EXOC6: variants seen among roughly 807,000 people sequenced by gnomAD.
EXOC6 encodes the protein SEC15-like 1.
EXOC6 carries 60 observed loss-of-function variants against 112.5 expected under a neutral mutation model. That is an observed-to-expected ratio of 0.53 (90% CI 0.43 to 0.66). The LOEUF is 0.66. EXOC6 is among the 30% of genes least tolerant of loss of function. The probability of loss-of-function intolerance (pLI) is 0.00; values close to 1 mark genes in which losing one functional copy is unlikely to be tolerated. For missense variants in EXOC6, 855 were observed against 957.1 expected (o/e 0.89, Z 1.41); for synonymous variants, 295 against 308.0 (o/e 0.96, Z 0.44).
At chr10:93,040,273 G>A (rs111736516) in intron 20 of EXOC6, among the ~76,000 whole-genome samples, 8,091 of 151,726 alleles carry the variant, frequency 0.053, 361 homozygotes, top group East Asian at 0.13. Flanking sequence ...TTTTTGAGAC[G>A]GAGTCTCACT....
intron 13 of EXOC6, among the ~76,000 whole-genome samples, chr10:92,941,720 T>G (rs975765911): frequency 2.6e-5 from 4 of 152,200 alleles, no homozygotes; most frequent in African/African-American, 9.6e-5. Flanking sequence ...ATTAAGAATC[T>G]TAAAGAATCT....
chr10:92,954,638 A>G lies in EXOC6; in HGVS notation c.1535A>G (p.Glu512Gly). 1 of 1,577,740 alleles carries G rather than the reference A, an allele frequency of 6.3e-7. No homozygotes were observed. Among genetic ancestry groups the G allele is most frequent in the Non-Finnish European group, 8.7e-7 (1 of 1,150,552 alleles). ...TCAATCTTTGTTTTTAGCTCAACAG[A>G]AATAGACGATATGCTTAGAAAATCA... ...FSESLHRSST[E>G]IDDMLRKSTN... The change falls in exon 16 of 22, where the codon GAA becomes GGA. Residue 512 changes from glutamate (E) to glycine (G), a missense_variant. By Grantham distance (98) the Glu-to-Gly change is moderately conservative. Around this residue, in one of 2 missense-constraint regions of EXOC6, gnomAD observed 450 missense variants for 563.5 expected, o/e 0.80. Transcript: ENST00000260762.
At chr10:92,948,573 C>CCACTACTACT (rs1554900785) in intron 14 of EXOC6, among the ~76,000 whole-genome samples, 194 bp downstream of exon 14, 16 of 140,182 alleles carry the variant, frequency 1.1e-4, no homozygotes, top group African/African-American at 4.0e-4. Context: ...CTACTACTAC[C>CCACTACTACT]ACTACTACTA....
intron 1 of EXOC6, 115 bp downstream of exon 1, chr10:92,848,749 G>C (rs956773547): frequency 3.5e-6 from 3 of 857,482 alleles, no homozygotes; most frequent in Non-Finnish European, 4.4e-6. Flanking sequence ...CAGGTGGTGC[G>C]CGCGGGGGCG....
chr10:93,014,930 C>T (rs909486168), intron 20 of EXOC6, among the ~76,000 whole-genome samples: 2 of 151,566 alleles, frequency 1.3e-5, no homozygotes, highest in South Asian at 2.1e-4. Flanking sequence ...TTTTCCTCCT[C>T]TTTTCTCTTC....
At chr10:92,869,949 CT>C (rs34082304) in intron 1 of EXOC6, among the ~76,000 whole-genome samples, 24,251 of 99,746 alleles carry the variant, frequency 0.24, 1,976 homozygotes, top group East Asian at 0.59. Context: ...GGCTTGTGGG[CT>C]TTTTTTTTTT....
At chr10:93,025,189 C>T (rs984641806) in intron 20 of EXOC6, among the ~76,000 whole-genome samples, 2 of 151,944 alleles carry the variant, frequency 1.3e-5, no homozygotes, top group South Asian at 2.1e-4. Context: ...ACTTACAATG[C>T]GAAAAAGATC....
intron 1 of EXOC6, 29 bp downstream of exon 1, chr10:92,848,663 G>A: frequency 1.5e-6 from 2 of 1,314,884 alleles, no homozygotes; most frequent in Non-Finnish European, 9.9e-7. Context: ...CGGGACTTCG[G>A]CCCCCCGCCC....
intron 19 of EXOC6, among the ~76,000 whole-genome samples, chr10:93,011,902 G>A (rs1844266178): frequency 6.6e-6 from 1 of 152,174 alleles, no homozygotes; most frequent in Non-Finnish European, 1.5e-5. Flanking sequence ...TGTCTAACAA[G>A]ACAGTGATAT....
At chr10:92,922,984 T>C (rs1390840994) in intron 8 of EXOC6, among the ~76,000 whole-genome samples, 1 of 152,226 alleles carries the variant, frequency 6.6e-6, no homozygotes, top group Non-Finnish European at 1.5e-5. Context: ...AAGCCCAACC[T>C]GTCTTCAGAA....
At chr10:92,998,078 A>G (rs1843577623) in intron 19 of EXOC6, among the ~76,000 whole-genome samples, 1 of 152,090 alleles carries the variant, frequency 6.6e-6, no homozygotes, top group South Asian at 2.1e-4. Context: ...AGGCTTTAGT[A>G]TTGCCATTGT....
At chr10:92,951,459 CTG>C (rs1853407984) in intron 14 of EXOC6, among the ~76,000 whole-genome samples, 1 of 152,072 alleles carries the variant, frequency 6.6e-6, no homozygotes, top group East Asian at 1.9e-4. Context: ...AGTGGGTCAA[CTG>C]TGTCAGATTT....
chr10:92,836,683 T>C (rs1846668001), intron 1 of EXOC6, among the ~76,000 whole-genome samples: 1 of 152,196 alleles, frequency 6.6e-6, no homozygotes, highest in Non-Finnish European at 1.5e-5. Context: ...AAACTGTTCA[T>C]CTAATAAGTT....
At chr10:92,832,545 T>C (rs1309660362), upstream of EXOC6, among the ~76,000 whole-genome samples, 1 of 152,214 alleles carries the variant, frequency 6.6e-6, no homozygotes, top group Admixed American at 6.5e-5. Flanking sequence ...CCCAAAGTGC[T>C]GGGATTACAG....
At chr10:92,849,193 A>AAG (rs1044279413) in intron 1 of EXOC6, among the ~76,000 whole-genome samples, 1 of 149,276 alleles carries the variant, frequency 6.7e-6, no homozygotes, top group Admixed American at 6.6e-5. Context: ...AGTGGGCGAG[A>AAG]AGAGAGCGTG....
intron 19 of EXOC6, among the ~76,000 whole-genome samples, chr10:93,002,892 T>C (rs1013903557): frequency 6.6e-6 from 1 of 152,206 alleles, no homozygotes; most frequent in African/African-American, 2.4e-5. Context: ...CAGAAATCTT[T>C]ACTTAATAGC....
chr10:92,839,693 C>T (rs1182318541), intron 1 of EXOC6, among the ~76,000 whole-genome samples: 1 of 152,068 alleles, frequency 6.6e-6, no homozygotes, highest in African/African-American at 2.4e-5. Context: ...GTTGTTAGCC[C>T]CTTAGAACAG....
Position 92,896,173 on chromosome 10 carries a change from ATATATATATTTTTTTTTTTTTTTTTT to A in EXOC6, c.412+1155_412+1180del, listed in dbSNP as rs1564810031. Among the ~76,000 whole-genome samples, 175 of 23,808 alleles carry A rather than the reference ATATATATATTTTTTTTTTTTTTTTTT, an allele frequency of 7.4e-3. 6 individuals are homozygous for A. The highest frequency in any genetic ancestry group is 0.018 in the African/African-American group (94 of 5,258). 15.6% of individuals were successfully genotyped at this position (23,808 alleles called of 152,430 possible). A position where few individuals can be genotyped will look rare whatever the true frequency, so the allele number is the denominator to read the frequency against. On this transcript the variant is annotated intron_variant, in intron 4 of 21. Transcript: ENST00000260762. ...TATATATATATATATATATATATAT[ATATATATATTTTTTTTTTTTTTTTTT>A]TTTTTTTTTTTTTTTTTTGGCGGAG...
chr10:92,976,907 G>T (rs1246931495), intron 18 of EXOC6, among the ~76,000 whole-genome samples: 3 of 152,088 alleles, frequency 2.0e-5, no homozygotes, highest in African/African-American at 4.8e-5. Context: ...TTCAGATGAG[G>T]ACTGCAAAGA....
Sources: gnomAD v4.1 joint callset for allele counts (sites outside exome capture counted in the v4.1 genomes callset) on GRCh38, gnomAD v4.1.1 for gene constraint, gnomAD v4.1.1 regional missense constraint, MANE v1.5 for transcripts, NCBI Gene and HGNC (gene_info 2026-07-23, HGNC 2026-07-21) for gene names.